Variants in DEPDC5 observed in about 807,000 individuals in gnomAD.
DEPDC5 encodes the protein DEP domain containing 5, GATOR1 subcomplex subunit, also known as GATOR1 complex protein DEPDC5.
In DEPDC5, 73 loss-of-function variants were observed where a neutral mutation model predicts 217.3. That is an observed-to-expected ratio of 0.34 (90% CI 0.28 to 0.41). The LOEUF (loss-of-function observed/expected upper bound fraction) is 0.41. Ranked by LOEUF, DEPDC5 falls within the 10% of genes least tolerant of loss-of-function variation. The pLI is 1.00. For missense variants in DEPDC5, 1,675 were observed against 2,070.1 expected (o/e 0.81, Z 3.70); for synonymous variants, 733 against 756.7 (o/e 0.97, Z 0.51).
intron 6 of DEPDC5, among the ~76,000 whole-genome samples, chr22:31,767,118 C>T (rs2082884224): frequency 6.6e-6 from 1 of 151,446 alleles, no homozygotes; most frequent in Non-Finnish European, 1.5e-5. Flanking sequence ...GCTATACCCT[C>T]TTCCCGTTTT....
At chr22:31,777,252 AC>A (rs1244679488) in intron 7 of DEPDC5, among the ~76,000 whole-genome samples, 1 of 136,440 alleles carries the variant, frequency 7.3e-6, no homozygotes, top group Non-Finnish European at 1.5e-5. Flanking sequence ...GAACCACTGC[AC>A]CTGGCCCTAA....
chr22:31,754,837 C>T lies in DEPDC5; in HGVS notation c.-60-25C>T, dbSNP rs2147929134. The T allele has an allele frequency of 2.0e-6, 3 of 1,518,660 alleles. No homozygotes were observed. In the South Asian group the frequency reaches 3.4e-5, roughly 17 times the overall value. The allele number at this position is 1,518,660 out of a possible 1,614,324, so 94.1% of individuals were successfully genotyped here. Reference sequence around the variant, plus strand: ...GCAAGGAAAAATCTGACATTCCAACCTTTTCGTTTGTATTTCTGTGGCAGG... The same window carrying T: ...GCAAGGAAAAATCTGACATTCCAACTTTTTCGTTTGTATTTCTGTGGCAGG... On this transcript the variant is annotated intron_variant, in intron 1 of 42. Transcript: ENST00000651528.
chr22:31,756,199 G>A (rs930496773), intron 2 of DEPDC5, among the ~76,000 whole-genome samples: 19 of 152,020 alleles, frequency 1.2e-4, no homozygotes, highest in African/African-American at 4.6e-4. Context: ...TTTTAACATT[G>A]TATTTTAGGG....
At chr22:31,870,551 A>T in intron 33 of DEPDC5, 39 bp from the exon 34 acceptor site, 1 of 1,459,012 alleles carries the variant, frequency 6.9e-7, no homozygotes. Context: ...CCTGTCAGTT[A>T]TTTTTGGAAT....
rs76786861 is a variant in DEPDC5, at chr22:31,793,494, A to T, written c.767+677A>T. 4.6e-5 allele frequency among the ~76,000 whole-genome samples: 7 copies of T among 152,256 alleles called. No homozygotes were observed. The East Asian group carries it at 1.2e-3, about 25-fold the overall frequency. Reference sequence around the variant, plus strand: ...GACTAAGTAAATTATCAATATTGTAATATTTTATTTCTATACATATTCAAA... The same window carrying T: ...GACTAAGTAAATTATCAATATTGTATTATTTTATTTCTATACATATTCAAA... On this transcript the variant is annotated intron_variant, in intron 12 of 42. Transcript: ENST00000651528.
At chr22:31,772,245 T>C (rs1486137836) in intron 7 of DEPDC5, among the ~76,000 whole-genome samples, 1 of 151,940 alleles carries the variant, frequency 6.6e-6, no homozygotes, top group Non-Finnish European at 1.5e-5. Context: ...CAAACAAAAA[T>C]TTGTTAGCGG....
rs956720557 is a variant in DEPDC5 at position 31,906,324 on chromosome 22, A to C, written c.4639A>C (p.Asn1547His). Residue 1547 changes from asparagine (N) to histidine (H), a missense_variant, in exon 43 of 43, where the codon AAC (asparagine) becomes CAC (histidine). This residue lies in a region of DEPDC5 where 42 missense variants were observed against 27.7 expected (regional missense o/e 1.51). Coordinates refer to ENST00000651528, the MANE Select transcript of DEPDC5 (RefSeq NM_001242896.3). This position sits in a 1 kb window ranked among gnomAD's most constrained non-coding sequence, Gnocchi z 5.1. Reference sequence around the variant, plus strand: ...GTTCTGCGAGGAGCGGGTCGGCTACAACTGGGCCTACAACACCATGCTCAC... The same window carrying C: ...GTTCTGCGAGGAGCGGGTCGGCTACCACTGGGCCTACAACACCATGCTCAC... ...NMFCEERVGY[N>H]WAYNTMLTKT... is the part of the protein sequence containing the mutation. 1.2e-6 allele frequency: 2 copies of C among 1,613,870 alleles called. No homozygotes were observed. Among genetic ancestry groups the C allele is most frequent in the East Asian group, 4.5e-5 (2 of 44,906 alleles).
chr22:31,854,609 A>T (rs1161883592), intron 31 of DEPDC5, among the ~76,000 whole-genome samples: 8 of 152,170 alleles, frequency 5.3e-5, no homozygotes, highest in African/African-American at 1.9e-4. Flanking sequence ...TCTAGCAAAG[A>T]TTATCAGTGG....
intron 6 of DEPDC5, among the ~76,000 whole-genome samples, chr22:31,767,986 C>G (rs1002576019): frequency 2.0e-5 from 3 of 151,774 alleles, no homozygotes; most frequent in African/African-American, 7.3e-5. Flanking sequence ...ACCTCGTGAT[C>G]GTCCCATCTC....
intron 38 of DEPDC5, among the ~76,000 whole-genome samples, chr22:31,886,755 C>CAAA (rs1224610835): frequency 3.8e-5 from 2 of 52,110 alleles, no homozygotes; most frequent in Non-Finnish European, 8.5e-5. Flanking sequence ...GTCTCCATCT[C>CAAA]AAAAAAAAAA....
At chr22:31,810,463 T>A (rs2088147738) in intron 19 of DEPDC5, 58 bp from the exon 20 acceptor site, 2 of 1,607,900 alleles carry the variant, frequency 1.2e-6, no homozygotes, top group East Asian at 4.5e-5. Context: ...GTATTTCAGC[T>A]CTCAGGCATG....
chr22:31,854,957 G>GTT (rs1361451194), intron 31 of DEPDC5, among the ~76,000 whole-genome samples: 1 of 150,198 alleles, frequency 6.7e-6, no homozygotes, highest in African/African-American at 2.5e-5. Flanking sequence ...GAGTCTTGCT[G>GTT]GTTTTTTTTT....
chr22:31,756,223 A>G (rs1198824032), intron 2 of DEPDC5, among the ~76,000 whole-genome samples: 1 of 152,070 alleles, frequency 6.6e-6, no homozygotes, highest in Non-Finnish European at 1.5e-5. Flanking sequence ...ATTTACTTCT[A>G]CATTATGTAG....
intron 5 of DEPDC5, 67 bp from the exon 6 acceptor site, chr22:31,766,518 G>T: frequency 6.7e-7 from 1 of 1,481,998 alleles, no homozygotes; most frequent in Non-Finnish European, 9.4e-7. Context: ...TGGTAAGTGG[G>T]CATTACCTTC....
chr22:31,861,996 T>C (rs1442829571), intron 33 of DEPDC5, among the ~76,000 whole-genome samples: 2 of 152,200 alleles, frequency 1.3e-5, no homozygotes, highest in Non-Finnish European at 2.9e-5. Context: ...CCCAGCACTT[T>C]GGGAGGCCGA....
At chr22:31,787,070 G>A (rs891020396) in intron 10 of DEPDC5, among the ~76,000 whole-genome samples, 3 of 151,304 alleles carry the variant, frequency 2.0e-5, no homozygotes, top group Non-Finnish European at 4.4e-5. Flanking sequence ...GTGAGCCACC[G>A]TGCCTAGCCT....
At chr22:31,861,578 T>G in intron 33 of DEPDC5, 145 bp downstream of exon 33, 1 of 822,638 alleles carries the variant, frequency 1.2e-6, no homozygotes, top group Non-Finnish European at 2.0e-6. Flanking sequence ...GAATTGTACA[T>G]TCTCTTCCAT....
At chr22:31,840,622 T>TG (rs1308125725) in intron 27 of DEPDC5, among the ~76,000 whole-genome samples, 2 of 152,354 alleles carry the variant, frequency 1.3e-5, no homozygotes, top group African/African-American at 4.8e-5. Context: ...ATGAGCCTCA[T>TG]GTGATGGTTA....
chr22:31,792,814 AC>A lies in DEPDC5; in HGVS notation c.765del (p.Tyr255Ter). 1 of 1,531,114 alleles carries A rather than the reference AC, an allele frequency of 6.5e-7. No individual in the cohort carries two copies. The highest frequency in any genetic ancestry group is 8.7e-7 in the Non-Finnish European group (1 of 1,151,070). The allele number at this position is 1,531,114 out of a possible 1,614,324, so 94.8% of individuals were successfully genotyped here. A position where few individuals can be genotyped will look rare whatever the true frequency, so the allele number is the denominator to read the frequency against. On this transcript the variant is annotated frameshift_variant and splice_region_variant, in exon 12 of 43. Coordinates refer to ENST00000651528, the MANE Select transcript of DEPDC5 (RefSeq NM_001242896.3). LOFTEE classifies it high-confidence loss of function. The part of the protein sequence containing the change: ...DHKGRFYEDF[Y>X]KVVVQNERRE... ...AAGGGGAGATTCTATGAAGACTTTT[AC>A]AAGTATGTTTGGGTGCTTTGCTATA... is the stretch of plus-strand genomic sequence containing the variant.
Sources: allele counts gnomAD v4.1 joint callset (sites outside exome capture counted in the v4.1 genomes callset), GRCh38; gene constraint gnomAD v4.1.1; regional missense constraint gnomAD v4.1.1; non-coding constraint Gnocchi (gnomAD v3.1); transcripts MANE v1.5; gene names NCBI Gene and HGNC (gene_info 2026-07-23, HGNC 2026-07-21).